FMN1: variants seen among roughly 807,000 people sequenced by gnomAD.
The protein encoded by FMN1 is formin-1.
Under a neutral mutation model 132.4 loss-of-function variants are expected in FMN1, and 110 were observed. That is an observed-to-expected ratio of 0.83 (90% CI 0.71 to 0.97). FMN1 has a LOEUF of 0.97. FMN1 is among the 50% of genes least tolerant of loss of function. The pLI is 0.00. For synonymous variants in FMN1, 722 were observed against 651.7 expected, an observed-to-expected ratio of 1.11 and a Z score of -1.64; for missense variants, 1,792 against 1,705.3, an observed-to-expected ratio of 1.05 and a Z score of -0.90.
At chr15:32,940,721 CA>C in intron 9 of FMN1, among the ~76,000 whole-genome samples, 1 of 152,210 alleles carries the variant, frequency 6.6e-6, no homozygotes. Flanking sequence ...ACCTCTCCAT[CA>C]GAGTCTTGAG....
intron 17 of FMN1, among the ~76,000 whole-genome samples, chr15:32,840,717 G>A (rs1402677044): frequency 6.6e-6 from 1 of 152,148 alleles, no homozygotes; most frequent in South Asian, 2.1e-4. Context: ...AGGGAGGGGA[G>A]GGTATGGAAA....
chr15:33,121,647 G>A (rs1371732913), intron 4 of FMN1, among the ~76,000 whole-genome samples: 1 of 152,018 alleles, frequency 6.6e-6, no homozygotes, highest in South Asian at 2.1e-4. Flanking sequence ...TCGTGCCTCA[G>A]CCTCCTGAGT....
rs184020992 is a variant in FMN1, at chr15:32,966,488, G to C, written c.2987+2226C>G. On this transcript the variant is annotated intron_variant, in intron 8 of 20. Transcript: ENST00000616417. The stretch of plus-strand genomic sequence containing the variant: ...CTAGCTCAAAAGGAAGGCAGGGGGA[G>C]AGAGAGAGAAAGAGGAGGAGGAAAA... 6.5e-3 allele frequency among the ~76,000 whole-genome samples: 988 copies of C among 152,154 alleles called. 9 individuals carry two copies. The highest frequency in any genetic ancestry group is 0.022 in the African/African-American group (922 of 41,506).
At chr15:32,926,094 G>GTA in intron 10 of FMN1, 80 bp downstream of exon 10, 1 of 771,110 alleles carries the variant, frequency 1.3e-6, no homozygotes. Context: ...TTCTAACTTT[G>GTA]TATGTGTTTG....
At chr15:32,937,639 T>G (rs2140422424) in intron 9 of FMN1, among the ~76,000 whole-genome samples, 1 of 152,320 alleles carries the variant, frequency 6.6e-6, no homozygotes, top group East Asian at 1.9e-4. Context: ...GTGGCTGGGT[T>G]CCACCAAATA....
intron 17 of FMN1, among the ~76,000 whole-genome samples, chr15:32,816,066 T>A (rs1301714970): frequency 6.6e-6 from 1 of 152,052 alleles, no homozygotes; most frequent in Non-Finnish European, 1.5e-5. Flanking sequence ...TAAATACCGA[T>A]TATGATAATG....
At chr15:32,882,684 A>C (rs2059798659) in intron 16 of FMN1, among the ~76,000 whole-genome samples, 1 of 152,240 alleles carries the variant, frequency 6.6e-6, no homozygotes, top group Admixed American at 6.5e-5. Flanking sequence ...AGATAAGAAA[A>C]AATTTTTTAG....
chr15:32,995,174 C>T (rs1258067509), intron 7 of FMN1, among the ~76,000 whole-genome samples: 4 of 151,844 alleles, frequency 2.6e-5, no homozygotes, highest in African/African-American at 9.7e-5. Context: ...TACCAATTTG[C>T]AGGAGATATA....
At chr15:33,019,284 G>C (rs1566833036) in intron 6 of FMN1, among the ~76,000 whole-genome samples, 1 of 152,066 alleles carries the variant, frequency 6.6e-6, no homozygotes, top group African/African-American at 2.4e-5. Flanking sequence ...TACAAACCCT[G>C]AGCGGGACAC....
In FMN1 at chr15:32,828,772, T is replaced by C. The variant is rs575052608; in HGVS notation, c.3929-24440A>G. ...AAATCATATTTTTTTAGTAACCTAA[T>C]AAAATTACTGGGAATAGAAAGCATA... On this transcript the variant is annotated intron_variant, in intron 17 of 20. Transcript: ENST00000616417. Among the ~76,000 whole-genome samples the C allele has an allele frequency of 1.7e-4, 26 of 152,304 alleles. 1 individual carries two copies. In the South Asian group the frequency reaches 5.4e-3, roughly 32 times the overall value.
chr15:33,008,750 C>T (rs1009717548), intron 6 of FMN1, among the ~76,000 whole-genome samples: 15 of 152,282 alleles, frequency 9.9e-5, no homozygotes, highest in African/African-American at 2.9e-4. Context: ...ATTCTGCTGG[C>T]GAAGCATGCA....
intron 9 of FMN1, among the ~76,000 whole-genome samples, chr15:32,927,669 T>C (rs190096274): frequency 2.5e-4 from 38 of 152,332 alleles, no homozygotes; most frequent in African/African-American, 8.4e-4. Context: ...GAAGTCTACA[T>C]AGTTTTGTGT....
At chr15:33,040,726 G>A (rs1480815663) in intron 6 of FMN1, among the ~76,000 whole-genome samples, 1 of 152,216 alleles carries the variant, frequency 6.6e-6, no homozygotes, top group African/African-American at 2.4e-5. Flanking sequence ...AGTCATCCTA[G>A]CCATGCTATG....
At chr15:33,111,649 A>G (rs2039709752) in intron 4 of FMN1, among the ~76,000 whole-genome samples, 1 of 152,180 alleles carries the variant, frequency 6.6e-6, no homozygotes, top group Non-Finnish European at 1.5e-5. Context: ...TGCCTATAAA[A>G]AAATCTCAAA....
chr15:33,132,453 A>C (rs1963589864), intron 4 of FMN1, among the ~76,000 whole-genome samples: 1 of 152,188 alleles, frequency 6.6e-6, no homozygotes. Context: ...AAGGAATACT[A>C]TATTTCTTTC....
At chr15:32,978,449 T>C (rs1056724428) in intron 7 of FMN1, among the ~76,000 whole-genome samples, 4 of 152,228 alleles carry the variant, frequency 2.6e-5, no homozygotes, top group African/African-American at 9.6e-5. Context: ...GAAATGACTT[T>C]CAGACTCTAT....
At chr15:33,071,055 G>A (rs996482333) in intron 5 of FMN1, among the ~76,000 whole-genome samples, 1 of 152,142 alleles carries the variant, frequency 6.6e-6, no homozygotes, top group African/African-American at 2.4e-5. Flanking sequence ...CACACACAGC[G>A]AGGTGCAAAG....
At chr15:32,985,185 T>C (rs891807897) in intron 7 of FMN1, among the ~76,000 whole-genome samples, 3 of 152,112 alleles carry the variant, frequency 2.0e-5, no homozygotes, top group Non-Finnish European at 2.9e-5. Flanking sequence ...AATGCTCACA[T>C]AGATAACTAA....
intron 10 of FMN1, among the ~76,000 whole-genome samples, chr15:32,911,208 G>A (rs2060553570): frequency 6.6e-6 from 1 of 152,132 alleles, no homozygotes; most frequent in Non-Finnish European, 1.5e-5. Context: ...CATCTAGAGA[G>A]GTACCTTCCC....
Sources: allele counts gnomAD v4.1 joint callset (sites outside exome capture counted in the v4.1 genomes callset), GRCh38; gene constraint gnomAD v4.1.1; transcripts MANE v1.5; gene names NCBI Gene and HGNC (gene_info 2026-07-23, HGNC 2026-07-21).